Variants in MCUB observed in about 807,000 individuals in gnomAD.
The protein encoded by MCUB is calcium uniporter regulatory subunit MCUb, mitochondrial.
Under a neutral mutation model 41.4 loss-of-function variants are expected in MCUB, and 46 were observed. The observed-to-expected ratio is 1.11, with a 90% CI of 0.88 to 1.42. MCUB has a LOEUF of 1.42. MCUB is among the 40% of genes most tolerant of loss of function. The pLI is 0.00. For synonymous variants in MCUB, 148 were observed against 148.2 expected, an observed-to-expected ratio of 1.00 and a Z score of 0.01; for missense variants, 403 against 404.9, an observed-to-expected ratio of 1.00 and a Z score of 0.04.
At chr4:109,636,312 C>T (rs552077661) in intron 1 of MCUB, among the ~76,000 whole-genome samples, 1 of 152,260 alleles carries the variant, frequency 6.6e-6, no homozygotes, top group South Asian at 2.1e-4. Context: ...AGGAGAGGCT[C>T]TGGACTGGAG....
At chr4:109,643,717 T>G (rs184102597) in intron 1 of MCUB, among the ~76,000 whole-genome samples, 1 of 152,012 alleles carries the variant, frequency 6.6e-6, no homozygotes, top group Non-Finnish European at 1.5e-5. Flanking sequence ...TTGGCCAGGG[T>G]GGTGTAGAAC....
intron 1 of MCUB, among the ~76,000 whole-genome samples, chr4:109,618,111 CT>C (rs1345239126): frequency 3.3e-5 from 5 of 152,300 alleles, no homozygotes; most frequent in African/African-American, 1.2e-4. Flanking sequence ...TATACCCAGT[CT>C]TTCTGTATTC....
intron 1 of MCUB, among the ~76,000 whole-genome samples, chr4:109,642,134 C>T (rs940598190): frequency 6.6e-6 from 1 of 152,056 alleles, no homozygotes; most frequent in Non-Finnish European, 1.5e-5. Flanking sequence ...TTTTGAAGAT[C>T]TTTAGTGGTG....
intron 1 of MCUB, among the ~76,000 whole-genome samples, chr4:109,603,927 G>A (rs1284487467): frequency 3.9e-5 from 6 of 152,200 alleles, no homozygotes; most frequent in Admixed American, 6.5e-5. Context: ...TGACGATGGC[G>A]GTTTTGTTGA....
At chr4:109,573,867 A>ATTTTTTTTTTTTT (rs70954166) in intron 1 of MCUB, among the ~76,000 whole-genome samples, 2 of 112,530 alleles carry the variant, frequency 1.8e-5, no homozygotes, top group Non-Finnish European at 1.8e-5. Context: ...AAAGGGTTGA[A>ATTTTTTTTTTTTT]TTTTTTTTTT....
At chr4:109,656,999 C>G (rs1290979128) in intron 1 of MCUB, among the ~76,000 whole-genome samples, 2 of 152,138 alleles carry the variant, frequency 1.3e-5, no homozygotes, top group Non-Finnish European at 2.9e-5. Flanking sequence ...GCAGGCTGAT[C>G]ACAAGTTCAG....
At chr4:109,628,333 G>A (rs1467220426) in intron 1 of MCUB, among the ~76,000 whole-genome samples, 1 of 152,186 alleles carries the variant, frequency 6.6e-6, no homozygotes, top group African/African-American at 2.4e-5. Flanking sequence ...AATAAAGGAG[G>A]TAGGCAGAGG....
chr4:109,660,504 A>G, intron 3 of MCUB, 139 bp downstream of exon 3: 1 of 505,272 alleles, frequency 2.0e-6, no homozygotes, highest in Non-Finnish European at 3.5e-6. Flanking sequence ...TTTCATTTTT[A>G]TGCATCAACA....
At chr4:109,658,059 C>T (rs1729144153) in intron 1 of MCUB, among the ~76,000 whole-genome samples, 1 of 152,182 alleles carries the variant, frequency 6.6e-6, no homozygotes, top group Admixed American at 6.5e-5. Flanking sequence ...AACTCCTGAG[C>T]TCAAGCAATC....
At chr4:109,674,968 C>A (rs527828989) in intron 4 of MCUB, among the ~76,000 whole-genome samples, 32 of 152,240 alleles carry the variant, frequency 2.1e-4, no homozygotes, top group Non-Finnish European at 4.1e-4. Flanking sequence ...AGACAGTATA[C>A]CCAAACTTTT....
At position 109,598,330 on chromosome 4, in the gene MCUB, C is replaced by T. The variant is rs575974283; in HGVS notation, c.99+37894C>T. Among the ~76,000 whole-genome samples the T allele has an allele frequency of 2.8e-4, 43 of 152,212 alleles. No individual in the cohort carries two copies. The South Asian group carries it at 8.5e-3, about 30-fold the overall frequency. On this transcript the variant is annotated intron_variant, in intron 1 of 7. Coordinates refer to ENST00000394650, the MANE Select transcript of MCUB (RefSeq NM_017918.5). ...ATTGAGCACTGAGTGAACGAGACTC[C>T]GTCTGCAATCCCGGCACCTTGGGAG...
intron 1 of MCUB, among the ~76,000 whole-genome samples, chr4:109,563,630 A>C (rs1449088258): frequency 6.6e-6 from 1 of 152,204 alleles, no homozygotes; most frequent in Non-Finnish European, 1.5e-5. Context: ...ATTAAACATT[A>C]CCACTTTTGC....
intron 1 of MCUB, among the ~76,000 whole-genome samples, chr4:109,561,219 T>G (rs1472493016): frequency 6.6e-6 from 1 of 152,150 alleles, no homozygotes; most frequent in African/African-American, 2.4e-5. Context: ...GCCTTCAGGG[T>G]GTGTGTGGTT....
Position 109,670,443 on chromosome 4 carries a change from C to T in MCUB, c.451+6049C>T, listed in dbSNP as rs61490251. On this transcript the variant is annotated intron_variant, in intron 4 of 7. Coordinates refer to ENST00000394650, the MANE Select transcript of MCUB (RefSeq NM_017918.5). ...TTAAGAGTAACAGAATTTGGCCAGG[C>T]GCAGTGGTTCATGCCTTTAATCCCA... Among the ~76,000 whole-genome samples, 773 of 152,206 alleles carry T rather than the reference C, an allele frequency of 5.1e-3. 3 individuals carry two copies. The highest frequency in any genetic ancestry group is 0.018 in the African/African-American group (733 of 41,524).
At chr4:109,621,204 AT>A (rs1221916693) in intron 1 of MCUB, among the ~76,000 whole-genome samples, 1 of 152,054 alleles carries the variant, frequency 6.6e-6, no homozygotes. Flanking sequence ...CAGCCCCCTC[AT>A]TCTTCTAACT....
intron 1 of MCUB, among the ~76,000 whole-genome samples, chr4:109,586,946 C>T (rs950023215): frequency 1.3e-5 from 2 of 152,238 alleles, no homozygotes; most frequent in African/African-American, 4.8e-5. Flanking sequence ...TCTGTCCTTT[C>T]TCCCAGCTCA....
At chr4:109,562,761 A>G (rs2126122114) in intron 1 of MCUB, among the ~76,000 whole-genome samples, 1 of 152,334 alleles carries the variant, frequency 6.6e-6, no homozygotes, top group African/African-American at 2.4e-5. Context: ...GTCTTTCTGA[A>G]GTCTTTCACA....
At chr4:109,565,696 T>C (rs530952101) in intron 1 of MCUB, among the ~76,000 whole-genome samples, 3 of 152,342 alleles carry the variant, frequency 2.0e-5, no homozygotes, top group African/African-American at 4.8e-5. Flanking sequence ...ATGTCTGTTA[T>C]ATAAAGCTTT....
intron 1 of MCUB, among the ~76,000 whole-genome samples, chr4:109,587,594 C>T (rs535712346): frequency 2.0e-5 from 3 of 152,054 alleles, no homozygotes; most frequent in African/African-American, 7.2e-5. Context: ...CATCTTGGAA[C>T]GGAAATCCAA....
Sources: gnomAD v4.1 joint callset for allele counts (sites outside exome capture counted in the v4.1 genomes callset) on GRCh38, gnomAD v4.1.1 for gene constraint, MANE v1.5 for transcripts, NCBI Gene and HGNC (gene_info 2026-07-23, HGNC 2026-07-21) for gene names.